PXDNL: variants seen among roughly 807,000 people sequenced by gnomAD.
The protein encoded by PXDNL is peroxidasin like.
Under a neutral mutation model 150.8 loss-of-function variants are expected in PXDNL, and 145 were observed. The ratio of observed to expected loss-of-function variants is 0.96; its 90% CI spans 0.84 to 1.10. The LOEUF (loss-of-function observed/expected upper bound fraction) is 1.10, where lower values mean the gene tolerates loss of function less well. Among genes scored for constraint, PXDNL ranks in the 50% least tolerant of loss-of-function variants. The pLI is 0.00. For synonymous variants in PXDNL, 757 were observed against 725.7 expected (o/e 1.04, Z -0.69); for missense variants, 2,087 against 1,873.9 (o/e 1.11, Z -2.10).
At chr8:51,610,865 TGG>T (rs1375705448) in intron 2 of PXDNL, among the ~76,000 whole-genome samples, 1 of 152,244 alleles carries the variant, frequency 6.6e-6, no homozygotes, top group Non-Finnish European at 1.5e-5. Context: ...AGAGCCCATC[TGG>T]TTAGGCCAGG....
chr8:51,540,705 T>C (rs1237038914), intron 4 of PXDNL, among the ~76,000 whole-genome samples: 1 of 152,216 alleles, frequency 6.6e-6, no homozygotes, highest in Admixed American at 6.5e-5. Flanking sequence ...GGTGTAGTGC[T>C]CTATTAATAT....
At chr8:51,608,254 T>G (rs1813909020) in intron 2 of PXDNL, among the ~76,000 whole-genome samples, 1 of 146,648 alleles carries the variant, frequency 6.8e-6, no homozygotes, top group South Asian at 2.1e-4. Context: ...CCAGGCGTGG[T>G]GGCGGGTGCC....
chr8:51,404,332 G>A (rs1292578116), intron 17 of PXDNL, among the ~76,000 whole-genome samples: 2 of 152,204 alleles, frequency 1.3e-5, no homozygotes, highest in South Asian at 4.1e-4. Context: ...TTTACAGAGA[G>A]CTGATTGGTC....
intron 15 of PXDNL, among the ~76,000 whole-genome samples, chr8:51,412,390 G>A (rs1296792736): frequency 6.6e-6 from 1 of 152,136 alleles, no homozygotes; most frequent in Non-Finnish European, 1.5e-5. Context: ...AGGAGCCTGA[G>A]GTACAAAGAT....
At chr8:51,609,194 T>G (rs1391965153) in intron 2 of PXDNL, among the ~76,000 whole-genome samples, 4 of 152,368 alleles carry the variant, frequency 2.6e-5, no homozygotes, top group Admixed American at 6.5e-5. Context: ...TCTTGATTAC[T>G]TACTATTTTG....
At chr8:51,711,674 T>C (rs1442157759) in intron 1 of PXDNL, among the ~76,000 whole-genome samples, 1 of 152,252 alleles carries the variant, frequency 6.6e-6, no homozygotes, top group East Asian at 1.9e-4. Flanking sequence ...TTAAGTGACT[T>C]TGTTTTGTTA....
At chr8:51,372,623 GA>G (rs1202757981) in intron 18 of PXDNL, among the ~76,000 whole-genome samples, 1 of 152,184 alleles carries the variant, frequency 6.6e-6, no homozygotes, top group African/African-American at 2.4e-5. Flanking sequence ...GGCCTCAAGT[GA>G]TCTGCCCACC....
intron 1 of PXDNL, among the ~76,000 whole-genome samples, chr8:51,790,618 T>C (rs1367401861): frequency 6.6e-6 from 1 of 152,002 alleles, no homozygotes; most frequent in East Asian, 2.0e-4. Flanking sequence ...AGGCTACACG[T>C]GGGCCCATGC....
intron 12 of PXDNL, among the ~76,000 whole-genome samples, 188 bp from the exon 13 acceptor site, chr8:51,426,946 G>A (rs1413339820): frequency 6.6e-6 from 1 of 152,182 alleles, no homozygotes; most frequent in East Asian, 1.9e-4. Context: ...TACAGCAGAG[G>A]CCGGAGCAGG....
chr8:51,403,359 T>C (rs935078711), intron 17 of PXDNL, among the ~76,000 whole-genome samples: 5 of 152,288 alleles, frequency 3.3e-5, no homozygotes, highest in Admixed American at 6.5e-5. Flanking sequence ...CAGTGAACTC[T>C]GAGGAGTAGA....
chr8:51,480,738 T>C (rs1213636061), intron 6 of PXDNL, among the ~76,000 whole-genome samples: 2 of 152,130 alleles, frequency 1.3e-5, no homozygotes, highest in African/African-American at 4.8e-5. Context: ...AGTGAATAAG[T>C]CTCACAAGAT....
chr8:51,583,201 AAG>A (rs1204919296), intron 3 of PXDNL, among the ~76,000 whole-genome samples: 2 of 152,218 alleles, frequency 1.3e-5, no homozygotes, highest in Non-Finnish European at 2.9e-5. Flanking sequence ...ATTTATAAAG[AAG>A]AGAGTTTTAT....
intron 1 of PXDNL, among the ~76,000 whole-genome samples, chr8:51,743,135 C>T (rs138893758): frequency 1.3e-5 from 2 of 151,164 alleles, no homozygotes; most frequent in Non-Finnish European, 2.9e-5. Context: ...AAAAGAATTG[C>T]CTTTAAAAGT....
intron 4 of PXDNL, among the ~76,000 whole-genome samples, chr8:51,506,982 C>T (rs1811309179): frequency 6.6e-6 from 1 of 152,184 alleles, no homozygotes; most frequent in Non-Finnish European, 1.5e-5. Flanking sequence ...TTAAGATCAA[C>T]AGTACTTTTT....
Position 51,472,179 on chromosome 8 carries a change from G to A in PXDNL, c.812+8C>T. On this transcript the variant is annotated splice_region_variant and intron_variant, in intron 8 of 22. Coordinates refer to ENST00000356297, the MANE Select transcript of PXDNL (RefSeq NM_144651.5). ...GAATCACAACCCATGTCCATGCTCA[G>A]TATTTACTTGTTGTGTATCCAAATA... 4 of 1,569,382 alleles carry A rather than the reference G, an allele frequency of 2.5e-6. No individual in the cohort carries two copies. The highest frequency in any genetic ancestry group is 3.5e-6 in the Non-Finnish European group (4 of 1,139,586).
intron 1 of PXDNL, among the ~76,000 whole-genome samples, chr8:51,705,838 C>T (rs201751856): frequency 0.36 from 20,239 of 56,286 alleles, 2,129 homozygotes; most frequent in African/African-American, 0.51. Context: ...TGTGTGCGCG[C>T]GCGCGCGCGC....
chr8:51,707,632 C>G lies in PXDNL; in HGVS notation c.165-52872G>C, dbSNP rs1028766136. Among the ~76,000 whole-genome samples, 6 of 152,274 alleles carry G rather than the reference C, an allele frequency of 3.9e-5. No homozygotes were observed. In the East Asian group the frequency reaches 1.2e-3, roughly 29 times the overall value. ...AAACACATCTCTAGAACTTATTTGT[C>G]TTGAATAATTGAAATGTCATACCTA... On this transcript the variant is annotated intron_variant, in intron 1 of 22. Coordinates refer to ENST00000356297, the MANE Select transcript of PXDNL (RefSeq NM_144651.5).
At chr8:51,570,949 G>T (rs1812919947) in intron 3 of PXDNL, among the ~76,000 whole-genome samples, 1 of 151,616 alleles carries the variant, frequency 6.6e-6, no homozygotes, top group African/African-American at 2.4e-5. Flanking sequence ...CACTATACTT[G>T]GGGGCAAACT....
intron 1 of PXDNL, among the ~76,000 whole-genome samples, chr8:51,710,985 T>C (rs1376700122): frequency 6.6e-6 from 1 of 152,160 alleles, no homozygotes; most frequent in Non-Finnish European, 1.5e-5. Flanking sequence ...TCTCACCATA[T>C]GTGTTCAACG....
Sources: allele counts gnomAD v4.1 joint callset (sites outside exome capture counted in the v4.1 genomes callset), GRCh38; gene constraint gnomAD v4.1.1; transcripts MANE v1.5; gene names NCBI Gene and HGNC (gene_info 2026-07-23, HGNC 2026-07-21).